The following GTF2E1 variants were observed in gnomAD, a reference collection of about 807,000 sequenced individuals.
GTF2E1 encodes TFIIE alpha subunit.
Under a neutral mutation model 34.9 loss-of-function variants are expected in GTF2E1, and 14 were observed. The observed-to-expected ratio is 0.40, with a 90% CI of 0.27 to 0.63. The LOEUF is 0.63. Ranked by LOEUF, GTF2E1 falls within the 20% of genes least tolerant of loss-of-function variation. The probability of loss-of-function intolerance (pLI) is 0.39; values close to 1 mark genes in which losing one functional copy is unlikely to be tolerated. For synonymous variants in GTF2E1, 188 were observed against 192.9 expected, an observed-to-expected ratio of 0.97 and a Z score of 0.21; for missense variants, 469 against 557.7, an observed-to-expected ratio of 0.84 and a Z score of 1.60.
At chr3:120,749,591 C>T (rs1289064991) in intron 1 of GTF2E1, among the ~76,000 whole-genome samples, 1 of 151,998 alleles carries the variant, frequency 6.6e-6, no homozygotes, top group Admixed American at 6.6e-5. Context: ...GCCTTGCATC[C>T]CAGGGATGAA....
intron 1 of GTF2E1, among the ~76,000 whole-genome samples, chr3:120,747,353 C>T (rs1709115080): frequency 6.6e-6 from 1 of 151,836 alleles, no homozygotes; most frequent in Non-Finnish European, 1.5e-5. Context: ...CCCATTAACT[C>T]GTAATTTAAC....
chr3:120,771,011 G>A (rs1411590718), intron 3 of GTF2E1, 82 bp downstream of exon 3: 1 of 1,130,406 alleles, frequency 8.8e-7, no homozygotes, highest in Non-Finnish European at 1.3e-6. Context: ...GAGAACAAGA[G>A]TGGGTAATTT....
chr3:120,751,169 A>G, intron 2 of GTF2E1, 169 bp downstream of exon 2: 1 of 549,848 alleles, frequency 1.8e-6, no homozygotes, highest in African/African-American at 1.9e-5. Flanking sequence ...CTGTCGCACT[A>G]CTTTGAGAAG....
chr3:120,757,592 A>G (rs1040917672), intron 2 of GTF2E1, among the ~76,000 whole-genome samples: 1 of 152,168 alleles, frequency 6.6e-6, no homozygotes, highest in Non-Finnish European at 1.5e-5. Flanking sequence ...TCCTTTTTCT[A>G]TACATTTTCC....
Position 120,776,560 on chromosome 3 carries a change from A to G in GTF2E1, c.788A>G (p.Asp263Gly). ...GTCATTAACATGGATGACCAAGAAGATCTTCATCGAGCCTCACTGGAAGGG... is the reference window on the plus strand; with the variant it reads ...GTCATTAACATGGATGACCAAGAAGGTCTTCATCGAGCCTCACTGGAAGGG... ...NVVINMDDQE[D>G]LHRASLEGKS... Residue 263 changes from aspartate to glycine, a missense_variant, in exon 4 of 5, where the codon GAT becomes GGT. By Grantham distance (94) the Asp-to-Gly change is moderately conservative (BLOSUM62 -1). Transcript: ENST00000283875. 1 of 1,614,028 alleles carries G rather than the reference A, an allele frequency of 6.2e-7. No homozygotes were observed. The highest frequency in any genetic ancestry group is 1.1e-5 in the South Asian group (1 of 91,084).
chr3:120,749,230 T>A (rs561999438), intron 1 of GTF2E1, among the ~76,000 whole-genome samples: 1 of 151,976 alleles, frequency 6.6e-6, no homozygotes, highest in African/African-American at 2.4e-5. Context: ...CTTTTCCTAA[T>A]TGAATACCCT....
At chr3:120,745,470 G>A (rs1206910058) in intron 1 of GTF2E1, among the ~76,000 whole-genome samples, 1 of 152,092 alleles carries the variant, frequency 6.6e-6, no homozygotes, top group African/African-American at 2.4e-5. Context: ...GCATAGTAGA[G>A]TCACCTAAAG....
chr3:120,765,639 A>G (rs1290749629), intron 2 of GTF2E1, among the ~76,000 whole-genome samples: 1 of 152,224 alleles, frequency 6.6e-6, no homozygotes, highest in African/African-American at 2.4e-5. Flanking sequence ...TTTGTTTTCA[A>G]GCTATGACTT....
At position 120,777,819 on chromosome 3, in the gene GTF2E1, G is replaced by A. The variant is rs572708849; in HGVS notation, c.892+1155G>A. 1.2e-4 allele frequency among the ~76,000 whole-genome samples: 19 copies of A among 152,274 alleles called. 2 individuals are homozygous for A. The South Asian group carries it at 3.5e-3, about 28-fold the overall frequency. ...TGGCTCACTGAAACCTCTGCTTTCC[G>A]TGTTCAAGTGATTCTCTTGCCTCAG... is the stretch of plus-strand genomic sequence containing the variant. On this transcript the variant is annotated intron_variant, in intron 4 of 4. Transcript: ENST00000283875.
At chr3:120,752,624 A>C (rs1389618484) in intron 2 of GTF2E1, among the ~76,000 whole-genome samples, 1 of 152,210 alleles carries the variant, frequency 6.6e-6, no homozygotes, top group Non-Finnish European at 1.5e-5. Context: ...CTGGATTCTG[A>C]ATGAAACTAG....
intron 2 of GTF2E1, 108 bp from the exon 3 acceptor site, chr3:120,770,620 C>A (rs1286573925): frequency 2.6e-6 from 2 of 774,358 alleles, no homozygotes; most frequent in Non-Finnish European, 4.4e-6. Context: ...TTCTTTCAAC[C>A]TTTGTGTATA....
At chr3:120,769,285 G>A (rs922984777) in intron 2 of GTF2E1, among the ~76,000 whole-genome samples, 1 of 150,824 alleles carries the variant, frequency 6.6e-6, no homozygotes, top group East Asian at 1.9e-4. Flanking sequence ...CTTTATGTTC[G>A]TGACCATTAG....
At chr3:120,747,203 C>T (rs1286730322) in intron 1 of GTF2E1, among the ~76,000 whole-genome samples, 1 of 150,886 alleles carries the variant, frequency 6.6e-6, no homozygotes, top group Non-Finnish European at 1.5e-5. Context: ...TCCCGAAGCC[C>T]AGGTTTTTAT....
intron 2 of GTF2E1, among the ~76,000 whole-genome samples, chr3:120,756,246 T>C (rs956043936): frequency 6.6e-6 from 1 of 152,218 alleles, no homozygotes; most frequent in African/African-American, 2.4e-5. Flanking sequence ...GACAGTTCCC[T>C]TTCCTCCACG....
intron 1 of GTF2E1, among the ~76,000 whole-genome samples, chr3:120,747,786 T>C (rs1051404055): frequency 6.6e-6 from 1 of 152,190 alleles, no homozygotes; most frequent in African/African-American, 2.4e-5. Context: ...CTGGGTCAAA[T>C]GGTATTTCTA....
rs1203700440 is a variant in GTF2E1 at position 120,750,503 on chromosome 3, C to T, written c.-30-20C>T. ...CATGTTCTTATACCTGGCTAATTTT[C>T]TGTTTTTTTTTGAATTCAGTATATT... On this transcript the variant is annotated intron_variant, in intron 1 of 4. Transcript: ENST00000283875. 2.8e-6 allele frequency: 4 copies of T among 1,450,208 alleles called. No homozygotes were observed. The East Asian group carries it at 9.1e-5, about 33-fold the overall frequency. 89.8% of individuals were successfully genotyped at this position (1,450,208 alleles called of 1,614,324 possible).
chr3:120,769,197 A>T (rs1251083753), intron 2 of GTF2E1, among the ~76,000 whole-genome samples: 1 of 128,996 alleles, frequency 7.8e-6, no homozygotes, highest in Non-Finnish European at 1.6e-5. Flanking sequence ...TCTTTTACCT[A>T]AAAAAAAAAA....
At chr3:120,746,071 C>T (rs898073437) in intron 1 of GTF2E1, among the ~76,000 whole-genome samples, 7 of 152,026 alleles carry the variant, frequency 4.6e-5, no homozygotes, top group African/African-American at 1.7e-4. Context: ...ATTTTCCCCC[C>T]AAAATATATG....
At chr3:120,768,640 G>A (rs77504986) in intron 2 of GTF2E1, among the ~76,000 whole-genome samples, 2,936 of 152,160 alleles carry the variant, frequency 0.019, 41 homozygotes, top group Non-Finnish European at 0.026. Flanking sequence ...GTCAATTTAA[G>A]TCCCAGTCTC....
Sources: allele counts gnomAD v4.1 joint callset (sites outside exome capture counted in the v4.1 genomes callset), GRCh38; gene constraint gnomAD v4.1.1; transcripts MANE v1.5; gene names NCBI Gene and HGNC (gene_info 2026-07-23, HGNC 2026-07-21).